Variants in THSD4 observed in about 807,000 individuals in gnomAD.
THSD4 encodes thrombospondin type 1 domain containing 4, also known as thrombospondin type-1 domain-containing protein 4.
THSD4 carries 69 observed loss-of-function variants against 119.0 expected under a neutral mutation model. That is an observed-to-expected ratio of 0.58 (90% CI 0.48 to 0.71). THSD4 has a LOEUF of 0.71. Ranked by LOEUF, THSD4 falls within the 30% of genes least tolerant of loss-of-function variation. The pLI is 0.00. For missense variants in THSD4, 1,393 were observed against 1,391.1 expected (o/e 1.00, Z -0.02); for synonymous variants, 524 against 540.4 (o/e 0.97, Z 0.42).
At chr15:71,673,686 T>G (rs977907336) in intron 8 of THSD4, among the ~76,000 whole-genome samples, 1 of 152,254 alleles carries the variant, frequency 6.6e-6, no homozygotes, top group African/African-American at 2.4e-5. Context: ...TCTGGTACAT[T>G]GTGTCTTTGT....
intron 7 of THSD4, chr15:71,547,305 T>C: frequency 5.3e-6 from 8 of 1,522,006 alleles, no homozygotes; most frequent in Non-Finnish European, 7.1e-6. Flanking sequence ...GCGCGGTGCC[T>C]AGCGGAACTC....
Position 71,115,530 on chromosome 15 carries a change from G to A in THSD4, c.-248G>A, listed in dbSNP as rs1435559706. On this transcript the variant is annotated 5_prime_UTR_variant, in exon 1 of 18. Coordinates refer to ENST00000261862, the MANE Select transcript of THSD4 (RefSeq NM_024817.3). This position sits in a 1 kb window ranked among gnomAD's most constrained non-coding sequence, Gnocchi z 4.4. The stretch of plus-strand genomic sequence containing the variant: ...GAACCGCTGGCCGCCCGCGCAGCCC[G>A]ACGCGGAATCGGGGCACAGCGGGAG... The A allele has an allele frequency of 1.3e-5, 2 of 151,146 alleles. No individual in the cohort carries two copies. Among genetic ancestry groups the A allele is most frequent in the South Asian group, 2.1e-4 (1 of 4,808 alleles). 9.4% of individuals were successfully genotyped at this position (151,146 alleles called of 1,614,324 possible). A position where few individuals can be genotyped will look rare whatever the true frequency, so the allele number is the denominator to read the frequency against.
At chr15:71,115,244 C>T (rs1357994644), upstream of THSD4, 1 of 152,864 alleles carries the variant, frequency 6.5e-6, no homozygotes, top group Non-Finnish European at 1.5e-5. The surrounding 1 kb of genome is among the most constrained non-coding windows in gnomAD (Gnocchi z 4.4). Flanking sequence ...CCCCTCCCGC[C>T]CTCGTGGCCT....
At chr15:71,459,178 T>TTTTTTTTTG (rs2047383347) in intron 7 of THSD4, among the ~76,000 whole-genome samples, 1 of 133,990 alleles carries the variant, frequency 7.5e-6, no homozygotes, top group African/African-American at 2.5e-5. Context: ...TTTTTTTTTT[T>TTTTTTTTTG]GACAGAGTCT....
chr15:71,724,739 G>A (rs2052802448), intron 8 of THSD4, among the ~76,000 whole-genome samples: 1 of 152,172 alleles, frequency 6.6e-6, no homozygotes. Flanking sequence ...TCTCATGGTA[G>A]CCTGGCCCTG....
At position 71,748,557 on chromosome 15, in the gene THSD4, G is replaced by A. The variant is rs2053384676; in HGVS notation, c.2378G>A (p.Cys793Tyr). Residue 793 changes from cysteine (C) to tyrosine (Y), a missense_variant, in exon 14 of 18, where the codon TGT becomes TAT. Physicochemically the swap from Cys to Tyr is radical, Grantham distance 194. Coordinates refer to ENST00000261862, the MANE Select transcript of THSD4 (RefSeq NM_024817.3). Reference protein sequence around the residue: ...NDIENCDMGPCAKSWFLTEWS... With the variant: ...NDIENCDMGPYAKSWFLTEWS... ...ATTGAGAACTGCGACATGGGACCCT[G>A]TGCCAAGAGCTGGTTCCTCACCGAG... is the stretch of plus-strand genomic sequence containing the variant. 6.2e-7 allele frequency: 1 copy of A among 1,614,078 alleles called. No homozygotes were observed. The highest frequency in any genetic ancestry group is 1.3e-5 in the African/African-American group (1 of 74,924).
chr15:71,207,897 T>G (rs2043858108), intron 3 of THSD4, among the ~76,000 whole-genome samples: 1 of 152,178 alleles, frequency 6.6e-6, no homozygotes, highest in Non-Finnish European at 1.5e-5. Flanking sequence ...GATTTAGATA[T>G]CATTTAGGGT....
At chr15:71,284,240 A>T (rs959539627) in intron 6 of THSD4, among the ~76,000 whole-genome samples, 2 of 152,166 alleles carry the variant, frequency 1.3e-5, no homozygotes, top group Admixed American at 1.3e-4. Context: ...ATTCCTTGCT[A>T]TTGAGGAAAA....
intron 8 of THSD4, among the ~76,000 whole-genome samples, chr15:71,663,161 A>C (rs963859331): frequency 6.6e-6 from 1 of 152,120 alleles, no homozygotes; most frequent in East Asian, 1.9e-4. Context: ...CTTAGGCATG[A>C]GGATCACTTG....
intron 7 of THSD4, among the ~76,000 whole-genome samples, chr15:71,550,523 G>A (rs1247939941): frequency 1.3e-5 from 2 of 152,138 alleles, no homozygotes. Context: ...TGCAAGCTCC[G>A]CCTCCCGGGT....
intron 7 of THSD4, among the ~76,000 whole-genome samples, chr15:71,631,232 T>C (rs1266466870): frequency 6.6e-6 from 1 of 152,144 alleles, no homozygotes. Flanking sequence ...CAGAGTCCTG[T>C]GGGTAAGGCC....
intron 7 of THSD4, among the ~76,000 whole-genome samples, chr15:71,437,387 A>G (rs2047026602): frequency 6.6e-6 from 1 of 152,220 alleles, no homozygotes; most frequent in Non-Finnish European, 1.5e-5. Context: ...ATGGTTTGTG[A>G]CAGAAGTCTG....
chr15:71,196,744 A>G (rs778428848), intron 3 of THSD4, among the ~76,000 whole-genome samples: 8 of 152,180 alleles, frequency 5.3e-5, no homozygotes, highest in Non-Finnish European at 8.8e-5. Flanking sequence ...ATGGGCAAGC[A>G]GGAACACGGG....
intron 2 of THSD4, among the ~76,000 whole-genome samples, chr15:71,146,526 C>T (rs541093493): frequency 8.0e-5 from 12 of 149,246 alleles, no homozygotes; most frequent in African/African-American, 2.7e-4. Context: ...GTAGAAACAA[C>T]TAACAAATGT....
intron 6 of THSD4, among the ~76,000 whole-genome samples, chr15:71,265,075 G>A (rs990519788): frequency 6.6e-6 from 1 of 151,972 alleles, no homozygotes; most frequent in Non-Finnish European, 1.5e-5. Context: ...GACCCAGGCC[G>A]ATAGAAGCTG....
At chr15:71,731,519 C>G (rs565377333) in intron 10 of THSD4, 5 of 356,060 alleles carry the variant, frequency 1.4e-5, no homozygotes, top group Non-Finnish European at 2.7e-5. Flanking sequence ...GGGCTCATGC[C>G]TGTAATCCTA....
At chr15:71,487,687 TTTG>T (rs1164720990) in intron 7 of THSD4, among the ~76,000 whole-genome samples, 13 of 152,244 alleles carry the variant, frequency 8.5e-5, no homozygotes, top group Admixed American at 4.6e-4. Context: ...TGTTCAAATG[TTTG>T]TTGAGGACCT....
chr15:71,719,498 C>T (rs1421309583), intron 8 of THSD4, among the ~76,000 whole-genome samples: 1 of 152,090 alleles, frequency 6.6e-6, no homozygotes, highest in Non-Finnish European at 1.5e-5. Flanking sequence ...CATGTGTTTG[C>T]CATTTTGGTC....
intron 13 of THSD4, among the ~76,000 whole-genome samples, chr15:71,747,821 A>T (rs1394328960): frequency 1.3e-5 from 2 of 152,220 alleles, no homozygotes; most frequent in Non-Finnish European, 2.9e-5. Flanking sequence ...AATTCACAAT[A>T]AGATTTGAGG....
Sources: gnomAD v4.1 joint callset for allele counts (sites outside exome capture counted in the v4.1 genomes callset) on GRCh38, gnomAD v4.1.1 for gene constraint, Gnocchi (gnomAD v3.1) non-coding constraint, MANE v1.5 for transcripts, NCBI Gene and HGNC (gene_info 2026-07-23, HGNC 2026-07-21) for gene names.